The following ZMYM1 variants were observed in gnomAD, a reference collection of about 807,000 sequenced individuals.
ZMYM1 encodes the protein zinc finger MYM-type protein 1.
In ZMYM1, 39 loss-of-function variants were observed where a neutral mutation model predicts 60.0. The ratio of observed to expected loss-of-function variants is 0.65; its 90% CI spans 0.50 to 0.85. ZMYM1 has a LOEUF of 0.85. Among genes scored for constraint, ZMYM1 ranks in the 40% least tolerant of loss-of-function variants. ZMYM1 has a pLI of 0.00. For missense variants in ZMYM1, 1,171 were observed against 1,309.5 expected, an observed-to-expected ratio of 0.89 and a Z score of 1.63; for synonymous variants, 413 against 454.0, an observed-to-expected ratio of 0.91 and a Z score of 1.15.
intron 2 of ZMYM1, among the ~76,000 whole-genome samples, chr1:35,094,426 A>G (rs898444902): frequency 5.9e-5 from 9 of 152,222 alleles, no homozygotes; most frequent in Non-Finnish European, 4.4e-5. Flanking sequence ...ACTTAATACA[A>G]ATTACATTTT....
At chr1:35,092,195 G>A (rs979015128) in intron 1 of ZMYM1, among the ~76,000 whole-genome samples, 17 of 151,844 alleles carry the variant, frequency 1.1e-4, no homozygotes, top group African/African-American at 3.4e-4. Flanking sequence ...CAAAGTGCTG[G>A]GATTACAGGC....
intron 6 of ZMYM1, among the ~76,000 whole-genome samples, chr1:35,106,491 C>T (rs993533080): frequency 6.6e-6 from 1 of 151,896 alleles, no homozygotes; most frequent in Non-Finnish European, 1.5e-5. Flanking sequence ...CGCCTATAAT[C>T]CCAACTACTT....
At chr1:35,085,931 C>T (rs545145550) in intron 1 of ZMYM1, among the ~76,000 whole-genome samples, 8 of 152,250 alleles carry the variant, frequency 5.3e-5, no homozygotes, top group Admixed American at 2.0e-4. Context: ...GCTAACACAT[C>T]GTGGAATAAA....
rs1424423097 is a variant in ZMYM1, at chr1:35,114,682, A to G, written c.2852A>G (p.Asp951Gly). The change falls in exon 10 of 10, where the codon GAT becomes GGT. Residue 951 changes from aspartate to glycine, a missense_variant. Transcript: ENST00000359858. The part of the protein sequence containing the change: ...IQKSVDLGNS[D>G]NMFFPTSTEE... ...AAATCAGTAGATCTTGGCAATTCAG[A>G]TAATATGTTTTTTCCTACTTCAACA... 1 of 1,568,116 alleles carries G rather than the reference A, an allele frequency of 6.4e-7. No individual in the cohort carries two copies. Among genetic ancestry groups the G allele is most frequent in the East Asian group, 2.2e-5 (1 of 44,676 alleles).
chr1:35,089,844 C>T (rs1642893085), intron 1 of ZMYM1, among the ~76,000 whole-genome samples: 1 of 138,294 alleles, frequency 7.2e-6, no homozygotes, highest in Admixed American at 8.1e-5. Context: ...CTCCCAGGTT[C>T]ACGCCATTCT....
intron 1 of ZMYM1, among the ~76,000 whole-genome samples, chr1:35,086,449 C>G (rs1212957777): frequency 6.6e-6 from 1 of 151,990 alleles, no homozygotes; most frequent in African/African-American, 2.4e-5. Context: ...GGACTACAGT[C>G]TGGGCTATTT....
At position 35,068,649 on chromosome 1, in the gene ZMYM1, A is replaced by AAT. The variant is rs1191097052; in HGVS notation, c.-301+8742_-301+8743dup. Among the ~76,000 whole-genome samples, 353 of 145,268 alleles carry AAT rather than the reference A, an allele frequency of 2.4e-3. 2 individuals are homozygous for AAT. Among genetic ancestry groups the AAT allele is most frequent in the South Asian group, 0.023 (105 of 4,652 alleles). ...CTGGAAATCCATACGCAAAAAAAAA[A>AAT]ATATATATATATATATATAAAACTA... On this transcript the variant is annotated intron_variant, in intron 1 of 10. Coordinates refer to the ZMYM1 transcript ENST00000417119.
intron 1 of ZMYM1, among the ~76,000 whole-genome samples, chr1:35,064,372 C>T (rs549038256): frequency 6.7e-6 from 1 of 149,236 alleles, no homozygotes; most frequent in African/African-American, 2.5e-5. Flanking sequence ...AACTTCAACA[C>T]TCCTCTCAAA....
chr1:35,117,033 C>T (rs1258870546), downstream of ZMYM1, among the ~76,000 whole-genome samples: 1 of 148,926 alleles, frequency 6.7e-6, no homozygotes, highest in Non-Finnish European at 1.5e-5. Context: ...TTAGTAGAGA[C>T]GGGGTTTCAC....
intron 1 of ZMYM1, among the ~76,000 whole-genome samples, chr1:35,070,896 T>G (rs535283117): frequency 4.6e-5 from 7 of 152,000 alleles, no homozygotes; most frequent in Admixed American, 3.9e-4. Context: ...GGTTTTTGGG[T>G]TTTTTTGAGA....
chr1:35,117,106 C>T (rs1462655019), downstream of ZMYM1, among the ~76,000 whole-genome samples: 1 of 148,458 alleles, frequency 6.7e-6, no homozygotes. Flanking sequence ...GCTGGGATTA[C>T]AGGCGTGAGC....
chr1:35,105,461 T>C (rs574079179), intron 6 of ZMYM1, among the ~76,000 whole-genome samples: 1 of 151,132 alleles, frequency 6.6e-6, no homozygotes, highest in East Asian at 2.0e-4. Context: ...TGAGACGGAG[T>C]CTCGCTGTCT....
At position 35,114,192 on chromosome 1, in the gene ZMYM1, T is replaced by A. The variant is rs770644408; in HGVS notation, c.2362T>A (p.Phe788Ile). The stretch of plus-strand genomic sequence containing the variant: ...TATGTCTGGGGAAATGTTGGCAAAT[T>A]TTCGAAACATTTATAGGCTAAGTCA... ...ICMSGEMLAN[F>I]RNIYRLSQNK... The change falls in exon 10 of 10, where the codon TTT becomes ATT. Residue 788 changes from phenylalanine (F) to isoleucine (I), a missense_variant. Transcript: ENST00000359858. The A allele has an allele frequency of 1.2e-6, 2 of 1,611,404 alleles. No homozygotes were observed. Among genetic ancestry groups the A allele is most frequent in the Admixed American group, 3.4e-5 (2 of 59,500 alleles).
intron 1 of ZMYM1, among the ~76,000 whole-genome samples, chr1:35,068,939 C>T (rs983323045): frequency 6.6e-6 from 1 of 152,020 alleles, no homozygotes; most frequent in Non-Finnish European, 1.5e-5. Flanking sequence ...TAGGTTCCAG[C>T]GATTCTCCTG....
At chr1:35,069,420 CATT>C (rs1642030821) in intron 1 of ZMYM1, among the ~76,000 whole-genome samples, 2 of 152,034 alleles carry the variant, frequency 1.3e-5, no homozygotes, top group Non-Finnish European at 2.9e-5. Flanking sequence ...TTATCTTGTC[CATT>C]TTAAAATCAG....
In ZMYM1 at chr1:35,112,106, A is replaced by G; in HGVS notation, c.1122A>G (p.Thr374=). Residue 374 remains threonine, a synonymous_variant, in exon 9 of 10, where the codon ACA becomes ACG. Coordinates refer to ENST00000359858, the MANE Select transcript of ZMYM1 (RefSeq NM_024772.5). ...TAACAGATACAGTTTCTTCAGTAAC[A>G]GCAACAGCAGATGTCATTGTGGATG... is the stretch of plus-strand genomic sequence containing the variant. ...DVLQDTVSSV[T]ATADVIVDLS... 1.2e-6 allele frequency: 2 copies of G among 1,613,668 alleles called. No individual in the cohort carries two copies. Among genetic ancestry groups the G allele is most frequent in the Non-Finnish European group, 8.5e-7 (1 of 1,179,780 alleles).
intron 6 of ZMYM1, among the ~76,000 whole-genome samples, chr1:35,105,125 T>C (rs189915941): frequency 4.4e-4 from 65 of 148,478 alleles, no homozygotes; most frequent in Non-Finnish European, 8.5e-4. Flanking sequence ...TTTATTTCTT[T>C]CTTTTTTTTT....
In ZMYM1 at chr1:35,099,854, C is replaced by T. The variant is rs376274373; in HGVS notation, c.419+2288C>T. Among the ~76,000 whole-genome samples the T allele has an allele frequency of 5.9e-5, 9 of 152,156 alleles. No homozygotes were observed. In the South Asian group the frequency reaches 6.2e-4, roughly 11 times the overall value. On this transcript the variant is annotated intron_variant, in intron 4 of 9. Coordinates refer to ENST00000359858, the MANE Select transcript of ZMYM1 (RefSeq NM_024772.5). ...TGCCGGGATTACAGGTGTGAGCCAC[C>T]GTGCTGATTTTCAGTTTTGTTTGTT...
intron 1 of ZMYM1, among the ~76,000 whole-genome samples, chr1:35,064,629 C>A: frequency 6.8e-6 from 1 of 146,410 alleles, no homozygotes; most frequent in East Asian, 2.0e-4. Flanking sequence ...AATGAGAAAT[C>A]AATAACAGAA....
Sources: gnomAD v4.1 joint callset for allele counts (sites outside exome capture counted in the v4.1 genomes callset) on GRCh38, gnomAD v4.1.1 for gene constraint, MANE v1.5 for transcripts, NCBI Gene and HGNC (gene_info 2026-07-23, HGNC 2026-07-21) for gene names.